COL10A1: variants seen among roughly 807,000 people sequenced by gnomAD.
COL10A1 encodes collagen type X alpha 1 chain.
In COL10A1, 10 loss-of-function variants were observed where a neutral mutation model predicts 18.2. That is an observed-to-expected ratio of 0.55 (90% CI 0.34 to 0.93). The LOEUF is 0.93. Ranked by LOEUF, COL10A1 falls within the 40% of genes least tolerant of loss-of-function variation. COL10A1 has a pLI of 0.02. For synonymous variants in COL10A1, 330 were observed against 316.6 expected (o/e 1.04, Z -0.45); for missense variants, 897 against 853.5 (o/e 1.05, Z -0.64).
chr6:116,123,756 G>A (rs1779207761), intron 2 of COL10A1, among the ~76,000 whole-genome samples: 1 of 152,220 alleles, frequency 6.6e-6, no homozygotes, highest in African/African-American at 2.4e-5. Context: ...GGATTTAGTA[G>A]TTTAAATACA....
At chr6:116,194,975 C>G in the COL10A1 span, among the ~76,000 whole-genome samples, 2 of 152,066 alleles carry the variant, frequency 1.3e-5, no homozygotes, top group African/African-American at 2.4e-5. Flanking sequence ...GGAAGATATA[C>G]AGTGATTATT....
At chr6:116,145,392 T>A in intron 1 of COL10A1, 1 of 335,462 alleles carries the variant, frequency 3.0e-6, no homozygotes, top group South Asian at 2.4e-5. Flanking sequence ...GAAGAAATGC[T>A]GATTTTCAAA....
At chr6:116,180,337 A>G in the COL10A1 span, among the ~76,000 whole-genome samples, 332 of 152,146 alleles carry the variant, frequency 2.2e-3, 1 homozygote, top group South Asian at 3.7e-3. Context: ...AAGGTAACTC[A>G]TTGGTGCAGG....
the COL10A1 span, among the ~76,000 whole-genome samples, chr6:116,190,260 CTATG>C: frequency 6.6e-6 from 1 of 151,956 alleles, no homozygotes; most frequent in African/African-American, 2.4e-5. Flanking sequence ...TTTAAATTAT[CTATG>C]TATTTTTTCT....
chr6:116,215,663 C>T, the COL10A1 span, among the ~76,000 whole-genome samples: 3 of 152,076 alleles, frequency 2.0e-5, no homozygotes, highest in East Asian at 1.9e-4. Flanking sequence ...GTAACCATGT[C>T]GGAAAGAGGA....
the COL10A1 span, among the ~76,000 whole-genome samples, chr6:116,179,507 T>C: frequency 9.3e-3 from 1,411 of 152,194 alleles, 20 homozygotes; most frequent in African/African-American, 0.033. Context: ...AAAGAAGATA[T>C]GCAAATGCCC....
At chr6:116,168,529 T>G in the COL10A1 span, among the ~76,000 whole-genome samples, 1 of 152,164 alleles carries the variant, frequency 6.6e-6, no homozygotes, top group South Asian at 2.1e-4. Context: ...AAGTCTGTCT[T>G]TATACCATAG....
At chr6:116,162,293 G>C (rs1780354393), upstream of COL10A1, among the ~76,000 whole-genome samples, 1 of 152,084 alleles carries the variant, frequency 6.6e-6, no homozygotes, top group African/African-American at 2.4e-5. Context: ...GATTGCTCTG[G>C]CTAGAACTTC....
At chr6:116,134,794 A>T (rs1779548909) in intron 1 of COL10A1, among the ~76,000 whole-genome samples, 1 of 152,200 alleles carries the variant, frequency 6.6e-6, no homozygotes, top group East Asian at 1.9e-4. Context: ...TGGCTGGCTA[A>T]TAAGTTAGAA....
At chr6:116,149,089 T>C (rs1779969015) in intron 1 of COL10A1, among the ~76,000 whole-genome samples, 1 of 152,156 alleles carries the variant, frequency 6.6e-6, no homozygotes, top group Non-Finnish European at 1.5e-5. Flanking sequence ...AGGTGCATAA[T>C]TCATGGATAA....
At chr6:116,138,142 A>G (rs1431147493) in intron 1 of COL10A1, among the ~76,000 whole-genome samples, 1 of 152,110 alleles carries the variant, frequency 6.6e-6, no homozygotes, top group Admixed American at 6.6e-5. Context: ...TATGTGCTAG[A>G]TCTAATTCTA....
chr6:116,119,953 T>A lies in COL10A1; in HGVS notation c.*120A>T. ...GTTTGTTGGTCTGATAGCTCAAATCTGTATTTCAGAAAATAAAAATTACAT... is the reference window on the plus strand; with the variant it reads ...GTTTGTTGGTCTGATAGCTCAAATCAGTATTTCAGAAAATAAAAATTACAT... On this transcript the variant is annotated 3_prime_UTR_variant, in exon 3 of 3. Transcript: ENST00000651968. 1.0e-6 allele frequency: 1 copy of A among 974,494 alleles called. No individual in the cohort carries two copies. Among genetic ancestry groups the A allele is most frequent in the Admixed American group, 1.8e-5 (1 of 55,900 alleles). The allele number at this position is 974,494 out of a possible 1,614,324, so 60.4% of individuals were successfully genotyped here. A position where few individuals can be genotyped will look rare whatever the true frequency, so the allele number is the denominator to read the frequency against.
intron 1 of COL10A1, among the ~76,000 whole-genome samples, chr6:116,139,042 A>C (rs1215420777): frequency 2.0e-5 from 3 of 152,186 alleles, no homozygotes; most frequent in Non-Finnish European, 2.9e-5. Context: ...ATGATTTAGA[A>C]AATGACTGAT....
chr6:116,156,826 C>T lies in COL10A1; in HGVS notation c.-16+1788G>A, dbSNP rs141054797. On this transcript the variant is annotated intron_variant, in intron 1 of 1. Transcript: ENST00000418500. ...CAGATAGCAATAATTTTGTGCTTCA[C>T]GTCCTCTCCCCAGGCCACCCCACGG... 6.0e-5 allele frequency among the ~76,000 whole-genome samples: 9 copies of T among 150,754 alleles called. No individual in the cohort carries two copies. The East Asian group carries it at 1.6e-3, about 26-fold the overall frequency.
chr6:116,178,086 TGTGCGCGCGCGCGCGCGTGC>T, the COL10A1 span, among the ~76,000 whole-genome samples: 1 of 77,552 alleles, frequency 1.3e-5, no homozygotes, highest in Non-Finnish European at 2.7e-5. Context: ...TGTGTGTGTG[TGTGCGCGCGCGCGCGCGTGC>T]GTGCGTGTGT....
chr6:116,175,390 T>G, the COL10A1 span, among the ~76,000 whole-genome samples: 1 of 152,188 alleles, frequency 6.6e-6, no homozygotes, highest in Non-Finnish European at 1.5e-5. Context: ...TTGACTATGA[T>G]GTGGTAGATT....
At chr6:116,201,115 A>G in the COL10A1 span, among the ~76,000 whole-genome samples, 1 of 152,144 alleles carries the variant, frequency 6.6e-6, no homozygotes, top group African/African-American at 2.4e-5. Flanking sequence ...CTGCACCTAG[A>G]TGTGTGCAGA....
At chr6:116,123,293 C>A (rs1207651178) in intron 2 of COL10A1, among the ~76,000 whole-genome samples, 1 of 152,090 alleles carries the variant, frequency 6.6e-6, no homozygotes, top group Non-Finnish European at 1.5e-5. Flanking sequence ...GGAATGTTGT[C>A]CTAATGGGTC....
intron 1 of COL10A1, among the ~76,000 whole-genome samples, chr6:116,158,011 C>G (rs1780239186): frequency 6.6e-6 from 1 of 152,192 alleles, no homozygotes; most frequent in Non-Finnish European, 1.5e-5. Flanking sequence ...TTCCTCTGAT[C>G]ATTTGACATT....
Sources: allele counts gnomAD v4.1 joint callset (sites outside exome capture counted in the v4.1 genomes callset), GRCh38; gene constraint gnomAD v4.1.1; transcripts MANE v1.5; gene names NCBI Gene and HGNC (gene_info 2026-07-23, HGNC 2026-07-21).